The following SLIT3 variants were observed in gnomAD, a reference collection of about 807,000 sequenced individuals.
The protein encoded by SLIT3 is slit homolog 3 protein.
Under a neutral mutation model 184.0 loss-of-function variants are expected in SLIT3, and 68 were observed. The observed-to-expected ratio is 0.37, with a 90% CI of 0.30 to 0.45. The LOEUF is 0.45. Ranked by LOEUF, SLIT3 falls within the 20% of genes least tolerant of loss-of-function variation. The probability of loss-of-function intolerance (pLI) is 1.00; values close to 1 mark genes in which losing one functional copy is unlikely to be tolerated. For synonymous variants in SLIT3, 831 were observed against 828.6 expected (o/e 1.00, Z -0.05); for missense variants, 1,707 against 2,026.0 (o/e 0.84, Z 3.02).
At chr5:168,952,528 C>CAAAAAAAAAAAAAAAAAAAAAAAAAAA (rs372134778) in intron 4 of SLIT3, among the ~76,000 whole-genome samples, 1 of 77,930 alleles carries the variant, frequency 1.3e-5, no homozygotes, top group African/African-American at 5.9e-5. Context: ...GGGAAAATGC[C>CAAAAAAAAAAAAAAAAAAAAAAAAAAA]AAAAAAAAAA....
chr5:169,286,835 G>A (rs1163733787), intron 1 of SLIT3, among the ~76,000 whole-genome samples: 2 of 152,304 alleles, frequency 1.3e-5, no homozygotes, highest in Non-Finnish European at 2.9e-5. Flanking sequence ...CTCTTTGTTC[G>A]TTAGCAACAC....
At chr5:168,960,230 G>C (rs77591511) in intron 4 of SLIT3, among the ~76,000 whole-genome samples, 1 of 152,150 alleles carries the variant, frequency 6.6e-6, no homozygotes, top group Non-Finnish European at 1.5e-5. Context: ...GGTAATAGTC[G>C]GTGCTTGGTG....
chr5:169,279,182 T>C (rs539773488), intron 1 of SLIT3, among the ~76,000 whole-genome samples: 1 of 152,214 alleles, frequency 6.6e-6, no homozygotes. Flanking sequence ...CCCAATACTT[T>C]ACCTGTGTGT....
intron 4 of SLIT3, among the ~76,000 whole-genome samples, chr5:169,180,866 G>A (rs982388875): frequency 6.6e-6 from 1 of 152,154 alleles, no homozygotes; most frequent in African/African-American, 2.4e-5. Context: ...TGATGGCTAC[G>A]CCCTTGAGAA....
chr5:169,265,878 A>T (rs35820571), intron 1 of SLIT3, among the ~76,000 whole-genome samples: 62,323 of 151,998 alleles, frequency 0.41, 13,467 homozygotes, highest in South Asian at 0.49. Flanking sequence ...GCACCTGGTC[A>T]AATCCACAGC....
At chr5:169,116,827 C>T (rs1760683842) in intron 4 of SLIT3, among the ~76,000 whole-genome samples, 3 of 152,176 alleles carry the variant, frequency 2.0e-5, no homozygotes, top group African/African-American at 7.2e-5. Flanking sequence ...TCCTCTGATT[C>T]CCCCACAATC....
intron 4 of SLIT3, among the ~76,000 whole-genome samples, chr5:169,005,090 T>C (rs1478954921): frequency 6.6e-6 from 1 of 152,148 alleles, no homozygotes; most frequent in Non-Finnish European, 1.5e-5. Flanking sequence ...TGTCCGTATT[T>C]TTAAGCAATA....
intron 5 of SLIT3, among the ~76,000 whole-genome samples, chr5:168,878,046 G>C (rs1759801694): frequency 6.6e-6 from 1 of 152,120 alleles, no homozygotes; most frequent in African/African-American, 2.4e-5. Context: ...ACCTAGCACA[G>C]TTTCTGCATA....
intron 4 of SLIT3, among the ~76,000 whole-genome samples, chr5:168,991,443 G>A (rs1755324400): frequency 6.6e-6 from 1 of 152,196 alleles, no homozygotes; most frequent in South Asian, 2.1e-4. Flanking sequence ...CTTGGGAGGG[G>A]ACACGGGAGC....
At chr5:168,875,464 T>A (rs1232218501) in intron 5 of SLIT3, among the ~76,000 whole-genome samples, 3 of 151,864 alleles carry the variant, frequency 2.0e-5, no homozygotes, top group Non-Finnish European at 4.4e-5. Flanking sequence ...TAACACTGTC[T>A]CTACTAAAAA....
intron 33 of SLIT3, among the ~76,000 whole-genome samples, chr5:168,671,963 C>T (rs10062759): frequency 0.038 from 5,783 of 152,272 alleles, 368 homozygotes; most frequent in African/African-American, 0.13. Context: ...GCTTGATCAA[C>T]GAAACTTTGG....
Position 168,834,666 on chromosome 5 carries a change from C to G in SLIT3, c.557+9918G>C, listed in dbSNP as rs550489369. Reference sequence around the variant, plus strand: ...CATGCCACTGCACTCCAGCCTGGGACACACAGCGAGACTCTGTCTCAAAAA... The same window carrying G: ...CATGCCACTGCACTCCAGCCTGGGAGACACAGCGAGACTCTGTCTCAAAAA... On this transcript the variant is annotated intron_variant, in intron 6 of 35. Coordinates refer to ENST00000519560, the MANE Select transcript of SLIT3 (RefSeq NM_003062.4). Among the ~76,000 whole-genome samples the G allele has an allele frequency of 4.8e-3, 531 of 110,754 alleles. 2 individuals are homozygous for G. The highest frequency in any genetic ancestry group is 7.4e-3 in the Middle Eastern group (1 of 136). 72.7% of individuals were successfully genotyped at this position (110,754 alleles called of 152,430 possible).
At chr5:168,700,754 G>T in intron 26 of SLIT3, 75 bp from the exon 27 acceptor site, 4 of 1,069,982 alleles carry the variant, frequency 3.7e-6, no homozygotes, top group Non-Finnish European at 5.7e-6. Context: ...GACTCCAGGG[G>T]TTCCAGCATT....
At chr5:168,996,348 C>G (rs1755509203) in intron 4 of SLIT3, among the ~76,000 whole-genome samples, 1 of 152,092 alleles carries the variant, frequency 6.6e-6, no homozygotes. Flanking sequence ...CCATTTCACA[C>G]CAGGGTGACA....
At chr5:168,903,140 C>T (rs116245336) in intron 4 of SLIT3, among the ~76,000 whole-genome samples, 2 of 152,200 alleles carry the variant, frequency 1.3e-5, no homozygotes, top group African/African-American at 4.8e-5. Context: ...ACTGATATTT[C>T]AGCTAATTCA....
At chr5:169,082,799 T>C (rs1490014064) in intron 4 of SLIT3, among the ~76,000 whole-genome samples, 1 of 152,262 alleles carries the variant, frequency 6.6e-6, no homozygotes, top group African/African-American at 2.4e-5. Context: ...CGACCTTACA[T>C]GATTGGTACC....
intron 26 of SLIT3, among the ~76,000 whole-genome samples, chr5:168,704,678 ATAG>A (rs1206471336): frequency 6.6e-6 from 1 of 152,258 alleles, no homozygotes; most frequent in African/African-American, 2.4e-5. Context: ...GCCTGGCATT[ATAG>A]TAGATTAAGA....
At chr5:169,187,317 T>C (rs1409380197) in intron 4 of SLIT3, among the ~76,000 whole-genome samples, 2 of 151,948 alleles carry the variant, frequency 1.3e-5, no homozygotes, top group Non-Finnish European at 2.9e-5. Context: ...TTCACCATGT[T>C]GGCCAGGATG....
intron 4 of SLIT3, among the ~76,000 whole-genome samples, chr5:169,007,877 T>C (rs1755992004): frequency 1.3e-5 from 2 of 152,228 alleles, no homozygotes; most frequent in South Asian, 4.1e-4. Context: ...AATTTAGACA[T>C]TAATCTTCCC....
Sources: gnomAD v4.1 joint callset for allele counts (sites outside exome capture counted in the v4.1 genomes callset) on GRCh38, gnomAD v4.1.1 for gene constraint, MANE v1.5 for transcripts, NCBI Gene and HGNC (gene_info 2026-07-23, HGNC 2026-07-21) for gene names.